Variants in MDGA2 observed in about 807,000 individuals in gnomAD.
MDGA2 encodes MAM domain containing glycosylphosphatidylinositol anchor 2, also known as MAM domain-containing glycosylphosphatidylinositol anchor protein 2.
MDGA2 carries 40 observed loss-of-function variants against 117.8 expected under a neutral mutation model. The observed-to-expected ratio is 0.34, with a 90% confidence interval of 0.26 to 0.44. The LOEUF (loss-of-function observed/expected upper bound fraction) is 0.44, where lower values mean the gene tolerates loss of function less well. Ranked by LOEUF, MDGA2 falls within the 20% of genes least tolerant of loss-of-function variation. The pLI, the probability that MDGA2 is intolerant of heterozygous loss-of-function variation, is 1.00. For missense variants in MDGA2, 1,123 were observed against 1,250.6 expected, an observed-to-expected ratio of 0.90 and a Z score of 1.54; for synonymous variants, 452 against 439.0, an observed-to-expected ratio of 1.03 and a Z score of -0.37.
intron 1 of MDGA2, among the ~76,000 whole-genome samples, chr14:47,533,556 C>A (rs953333619): frequency 6.6e-6 from 1 of 152,142 alleles, no homozygotes; most frequent in Non-Finnish European, 1.5e-5. Flanking sequence ...TATTGTCTGC[C>A]TCCACACACA....
chr14:47,036,163 G>A (rs1888841489), intron 7 of MDGA2, among the ~76,000 whole-genome samples: 1 of 151,254 alleles, frequency 6.6e-6, no homozygotes, highest in Non-Finnish European at 1.5e-5. Flanking sequence ...CCAGCTGCTG[G>A]GGTGGCTGAG....
At chr14:46,862,046 CAG>C in intron 14 of MDGA2, among the ~76,000 whole-genome samples, 1 of 152,026 alleles carries the variant, frequency 6.6e-6, no homozygotes, top group East Asian at 1.9e-4. Flanking sequence ...TTTAAATCCC[CAG>C]AGACACTGTG....
intron 3 of MDGA2, among the ~76,000 whole-genome samples, chr14:47,162,655 ATG>A (rs1277309293): frequency 6.6e-6 from 1 of 152,114 alleles, no homozygotes; most frequent in Non-Finnish European, 1.5e-5. Context: ...TTTCAACTTA[ATG>A]TAATTATTTT....
At chr14:47,337,376 T>G (rs537684371) in intron 1 of MDGA2, among the ~76,000 whole-genome samples, 2 of 152,230 alleles carry the variant, frequency 1.3e-5, no homozygotes, top group South Asian at 4.1e-4. Flanking sequence ...GGCACCAACT[T>G]GCCTTACTGG....
intron 1 of MDGA2, among the ~76,000 whole-genome samples, chr14:47,541,310 G>C (rs1895347791): frequency 6.6e-6 from 1 of 152,164 alleles, no homozygotes; most frequent in African/African-American, 2.4e-5. Flanking sequence ...TTGAGAACAA[G>C]AAGAATCCAA....
At chr14:47,610,120 C>A (rs761654361) in intron 1 of MDGA2, among the ~76,000 whole-genome samples, 39 of 152,002 alleles carry the variant, frequency 2.6e-4, no homozygotes, top group African/African-American at 8.2e-4. Flanking sequence ...AATCCAGCAC[C>A]CTTTATGATT....
chr14:47,201,272 T>A (rs7153172), intron 3 of MDGA2, among the ~76,000 whole-genome samples: 33,188 of 152,070 alleles, frequency 0.22, 4,095 homozygotes, highest in East Asian at 0.35. Flanking sequence ...CATCAATCCA[T>A]CCTCACTAAC....
chr14:47,289,619 T>C (rs562351883), intron 2 of MDGA2, among the ~76,000 whole-genome samples: 45 of 152,050 alleles, frequency 3.0e-4, no homozygotes, highest in Non-Finnish European at 5.7e-4. Context: ...ATTAAAAAAA[T>C]TACAACTGTT....
chr14:47,397,687 G>A (rs947637216), intron 1 of MDGA2, among the ~76,000 whole-genome samples: 1 of 151,970 alleles, frequency 6.6e-6, no homozygotes, highest in African/African-American at 2.4e-5. Context: ...TAAATTACAT[G>A]AGCACATATA....
At chr14:46,956,129 T>A (rs1184332352) in intron 9 of MDGA2, among the ~76,000 whole-genome samples, 1 of 152,150 alleles carries the variant, frequency 6.6e-6, no homozygotes, top group Non-Finnish European at 1.5e-5. Context: ...CCTCATGAGT[T>A]AGAAATTACC....
intron 1 of MDGA2, among the ~76,000 whole-genome samples, chr14:47,436,546 A>G (rs1293639305): frequency 1.3e-5 from 2 of 152,102 alleles, no homozygotes; most frequent in Non-Finnish European, 1.5e-5. Flanking sequence ...ATATTTCTTT[A>G]TAATACCCAG....
chr14:47,110,157 C>T (rs1423897851), intron 5 of MDGA2, among the ~76,000 whole-genome samples: 1 of 132,260 alleles, frequency 7.6e-6, no homozygotes, highest in Non-Finnish European at 1.6e-5. Flanking sequence ...AAATGTAATG[C>T]ACCACTCCCA....
intron 2 of MDGA2, among the ~76,000 whole-genome samples, chr14:47,227,601 A>T (rs995537073): frequency 2.0e-5 from 3 of 152,132 alleles, no homozygotes; most frequent in Admixed American, 2.0e-4. Flanking sequence ...GGCAAGGACT[A>T]TTCGTAAACT....
intron 7 of MDGA2, chr14:47,059,321 T>G (rs1252464315): frequency 7.8e-7 from 1 of 1,274,792 alleles, no homozygotes; most frequent in Non-Finnish European, 1.0e-6. Context: ...AAGTGGGTAC[T>G]TTCCAGGGGT....
intron 14 of MDGA2, chr14:46,871,431 G>A (rs530324231): frequency 7.2e-5 from 11 of 152,008 alleles, no homozygotes; most frequent in African/African-American, 2.2e-4. Flanking sequence ...CAGGTGATGG[G>A]CATGGTAACT....
At chr14:47,597,841 CACAT>C (rs759619231) in intron 1 of MDGA2, among the ~76,000 whole-genome samples, 19 of 110,930 alleles carry the variant, frequency 1.7e-4, no homozygotes, top group African/African-American at 5.9e-4. Context: ...ACACCACACA[CACAT>C]ACACACACAC....
At chr14:47,452,688 G>A (rs967912582) in intron 1 of MDGA2, among the ~76,000 whole-genome samples, 6 of 152,022 alleles carry the variant, frequency 3.9e-5, no homozygotes, top group African/African-American at 1.4e-4. Flanking sequence ...CTTAGCACTA[G>A]TCTAACCAAG....
intron 8 of MDGA2, among the ~76,000 whole-genome samples, chr14:47,030,609 T>C (rs1384913378): frequency 6.6e-6 from 1 of 152,166 alleles, no homozygotes; most frequent in African/African-American, 2.4e-5. Context: ...AATTAATATA[T>C]GTAATATCTT....
At chr14:47,517,759 A>G (rs150778221) in intron 1 of MDGA2, among the ~76,000 whole-genome samples, 88 of 152,306 alleles carry the variant, frequency 5.8e-4, no homozygotes, top group Non-Finnish European at 1.1e-3. Context: ...TTATACTTAA[A>G]TACATGAAAC....
Sources: gnomAD v4.1 joint callset for allele counts (sites outside exome capture counted in the v4.1 genomes callset) on GRCh38, gnomAD v4.1.1 for gene constraint, MANE v1.5 for transcripts, NCBI Gene and HGNC (gene_info 2026-07-23, HGNC 2026-07-21) for gene names.